KALRN: variants seen among roughly 807,000 people sequenced by gnomAD.
KALRN encodes the protein kalirin RhoGEF kinase.
A neutral mutation model predicts 353.7 loss-of-function variants in KALRN; 70 were observed. That is an observed-to-expected ratio of 0.20 (90% confidence interval 0.16 to 0.24). The LOEUF (loss-of-function observed/expected upper bound fraction) is 0.24, where lower values mean the gene tolerates loss of function less well. Among genes scored for constraint, KALRN ranks in the 10% least tolerant of loss-of-function variants. The probability of loss-of-function intolerance (pLI) is 1.00; values close to 1 mark genes in which losing one functional copy is unlikely to be tolerated. For synonymous variants in KALRN, 1,391 were observed against 1,434.8 expected (o/e 0.97, Z 0.69); for missense variants, 2,791 against 3,756.7 (o/e 0.74, Z 6.72).
At chr3:124,083,723 A>C (rs1198646500) in intron 1 of KALRN, among the ~76,000 whole-genome samples, 1 of 152,244 alleles carries the variant, frequency 6.6e-6, no homozygotes, top group Non-Finnish European at 1.5e-5. Context: ...TAGTGGTGAC[A>C]AAACAATTAC....
intron 34 of KALRN, among the ~76,000 whole-genome samples, chr3:124,615,566 A>C (rs192955433): frequency 6.6e-6 from 1 of 152,346 alleles, no homozygotes; most frequent in East Asian, 1.9e-4. Context: ...CAAAATGTTA[A>C]CATTGGAGGA....
chr3:124,313,964 G>C (rs1277885595), intron 6 of KALRN, among the ~76,000 whole-genome samples: 1 of 152,146 alleles, frequency 6.6e-6, no homozygotes, highest in Non-Finnish European at 1.5e-5. Flanking sequence ...CTAGATCCTT[G>C]AGGAATCGCC....
At chr3:124,561,197 T>C (rs1230030826) in intron 33 of KALRN, among the ~76,000 whole-genome samples, 1 of 152,234 alleles carries the variant, frequency 6.6e-6, no homozygotes, top group Non-Finnish European at 1.5e-5. Context: ...CTCTCTGTGA[T>C]GTTTTTAAGG....
rs1213500443 is a variant in KALRN at position 124,368,115 on chromosome 3, A to G, written c.1771-16730A>G. 3.6e-5 allele frequency among the ~76,000 whole-genome samples: 2 copies of G among 55,702 alleles called. 1 individual carries two copies. Among genetic ancestry groups the G allele is most frequent in the Non-Finnish European group, 6.7e-5 (2 of 29,934 alleles). 36.5% of individuals were successfully genotyped at this position (55,702 alleles called of 152,430 possible). A position where few individuals can be genotyped will look rare whatever the true frequency, so the allele number is the denominator to read the frequency against. On this transcript the variant is annotated intron_variant, in intron 10 of 59. Coordinates refer to ENST00000682506, the MANE Select transcript of KALRN (RefSeq NM_001388419.1). ...GCTGACCCCCCCACCTCCCTCCCGG[A>G]CGGGGCAGCTGGCCAGGCGGGGGGC...
At chr3:124,488,993 T>G (rs2108383620) in intron 29 of KALRN, 1 of 152,342 alleles carries the variant, frequency 6.6e-6, no homozygotes, top group East Asian at 1.9e-4. Context: ...GTCTTAACAC[T>G]GCAGAATGAG....
At position 124,667,091 on chromosome 3, in the gene KALRN, G is replaced by C. The variant is rs771193440; in HGVS notation, c.6611G>C (p.Arg2204Thr). The C allele has an allele frequency of 4.3e-6, 7 of 1,614,094 alleles. No individual in the cohort carries two copies. Among genetic ancestry groups the C allele is most frequent in the Non-Finnish European group, 5.9e-6 (7 of 1,180,032 alleles). Residue 2204 changes from arginine (R) to threonine (T), a missense_variant, in exon 47 of 60, where the codon AGG (arginine) becomes ACG (threonine). Around this residue, in one of 11 missense-constraint regions of KALRN, gnomAD observed 1,065 missense variants for 1,156.4 expected, o/e 0.92. Transcript: ENST00000682506. ...CTCATGAACAGAGAGACTTCTGAGA[G>C]GGTTGTTCTGCAAGCCGCCAACGCT... ...FALMNRETSE[R>T]VVLQAANADI...
intron 49 of KALRN, chr3:124,677,645 T>G (rs569477660): frequency 1.3e-5 from 6 of 454,790 alleles, no homozygotes; most frequent in South Asian, 7.8e-5. Flanking sequence ...TAAGCAAATG[T>G]CTGCCACAGA....
intron 1 of KALRN, among the ~76,000 whole-genome samples, chr3:124,184,963 T>C (rs920915024): frequency 1.3e-5 from 2 of 152,164 alleles, no homozygotes; most frequent in African/African-American, 4.8e-5. Context: ...AGGAGCCAGT[T>C]CAGTATAGCT....
At chr3:124,703,586 T>G (rs2062452533) in intron 57 of KALRN, among the ~76,000 whole-genome samples, 1 of 151,284 alleles carries the variant, frequency 6.6e-6, no homozygotes, top group South Asian at 2.1e-4. Flanking sequence ...CCTCCCAAAG[T>G]GCTGAGATTA....
intron 4 of KALRN, among the ~76,000 whole-genome samples, chr3:124,265,295 A>ATTTTTTTTTTTTTTTT (rs1465968614): frequency 4.4e-4 from 27 of 61,104 alleles, no homozygotes; most frequent in Non-Finnish European, 5.9e-4. Flanking sequence ...TTAAGAAAAT[A>ATTTTTTTTTTTTTTTT]TTCTTTTTTT....
At chr3:124,053,280 G>C (rs2041213617) in intron 1 of KALRN, among the ~76,000 whole-genome samples, 1 of 152,174 alleles carries the variant, frequency 6.6e-6, no homozygotes, top group African/African-American at 2.4e-5. Flanking sequence ...ATCTAATTTA[G>C]AAGGGATAAT....
At chr3:124,408,768 A>G (rs1313627236) in intron 13 of KALRN, among the ~76,000 whole-genome samples, 2 of 152,188 alleles carry the variant, frequency 1.3e-5, no homozygotes, top group African/African-American at 2.4e-5. Context: ...ATACAGTTCA[A>G]AACATCTGGG....
chr3:124,038,720 A>C (rs2039656241), intron 1 of KALRN, among the ~76,000 whole-genome samples: 2 of 152,198 alleles, frequency 1.3e-5, no homozygotes, highest in East Asian at 3.9e-4. Context: ...AAGTGTTTGC[A>C]GTTACTTGGG....
At chr3:124,604,504 G>A (rs2149484557) in intron 34 of KALRN, among the ~76,000 whole-genome samples, 1 of 152,156 alleles carries the variant, frequency 6.6e-6, no homozygotes, top group South Asian at 2.1e-4. Context: ...GGAAACGAAG[G>A]TTGGAGATGA....
At chr3:124,044,909 CCTTCT>C (rs1161182527) in intron 1 of KALRN, among the ~76,000 whole-genome samples, 4 of 132,666 alleles carry the variant, frequency 3.0e-5, no homozygotes, top group African/African-American at 1.1e-4. Context: ...TTCCTTCCTT[CCTTCT>C]CTTCCTTCTC....
chr3:124,243,055 C>T (rs1349790341), intron 3 of KALRN, among the ~76,000 whole-genome samples: 4 of 152,194 alleles, frequency 2.6e-5, no homozygotes, highest in Non-Finnish European at 4.4e-5. Context: ...CGTATTCTAG[C>T]GATGATCATC....
chr3:124,454,718 C>CT (rs1265334774), intron 21 of KALRN, among the ~76,000 whole-genome samples: 1 of 151,820 alleles, frequency 6.6e-6, no homozygotes, highest in Admixed American at 6.6e-5. Flanking sequence ...CATATACAGA[C>CT]TTTTTTTGTT....
intron 34 of KALRN, among the ~76,000 whole-genome samples, chr3:124,577,573 A>G (rs1489401812): frequency 1.3e-5 from 2 of 152,144 alleles, no homozygotes; most frequent in Non-Finnish European, 2.9e-5. Context: ...ACCCACACAG[A>G]TATTATACAC....
intron 14 of KALRN, among the ~76,000 whole-genome samples, chr3:124,419,783 A>G (rs545076250): frequency 1.9e-4 from 29 of 152,380 alleles, no homozygotes; most frequent in Admixed American, 3.3e-4. Context: ...TTTTTAAAAA[A>G]GAGCCTGACA....
Sources: gnomAD v4.1 joint callset for allele counts (sites outside exome capture counted in the v4.1 genomes callset) on GRCh38, gnomAD v4.1.1 for gene constraint, gnomAD v4.1.1 regional missense constraint, MANE v1.5 for transcripts, NCBI Gene and HGNC (gene_info 2026-07-23, HGNC 2026-07-21) for gene names.